Variants in KCNC1 observed in about 807,000 individuals in gnomAD.
KCNC1 encodes potassium voltage-gated channel subfamily C member 1, also known as voltage-gated potassium channel KCNC1.
A neutral mutation model predicts 43.4 loss-of-function variants in KCNC1; 8 were observed. The observed-to-expected ratio is 0.18, with a 90% confidence interval of 0.11 to 0.33. The LOEUF (loss-of-function observed/expected upper bound fraction) is 0.33, where lower values mean the gene tolerates loss of function less well. KCNC1 is among the 10% of genes least tolerant of loss of function. The pLI, the probability that KCNC1 is intolerant of heterozygous loss-of-function variation, is 1.00. For missense variants in KCNC1, 420 were observed against 836.0 expected, an observed-to-expected ratio of 0.50 and a Z score of 6.14; for synonymous variants, 361 against 360.5, an observed-to-expected ratio of 1.00 and a Z score of -0.01.
rs760069085 is a variant in KCNC1 at position 17,772,240 on chromosome 11, G to A, written c.1146G>A (p.Thr382=). 4.4e-5 allele frequency: 71 copies of A among 1,613,946 alleles called. No homozygotes were observed. Among genetic ancestry groups the A allele is most frequent in the Non-Finnish European group, 5.5e-5 (65 of 1,180,032 alleles). The part of the protein sequence containing the change: ...QPNDPSASEH[T]HFKNIPIGFW... ...ATGACCCCAGCGCCAGTGAGCACAC[G>A]CACTTTAAGAACATCCCCATCGGCT... Residue 382 remains threonine (T), a synonymous_variant, in exon 2 of 4, where the codon ACG becomes ACA. Transcript: ENST00000265969.
intron 1 of KCNC1, among the ~76,000 whole-genome samples, chr11:17,737,778 C>A (rs1344346967): frequency 1.3e-5 from 2 of 152,182 alleles, no homozygotes; most frequent in African/African-American, 4.8e-5. Flanking sequence ...CCAGGCAAAG[C>A]ACTGCCTCTG....
chr11:17,781,755 C>T lies in KCNC1; in HGVS notation c.*21C>T. ...CTTGACCAGGCGGCTTGGCCGAGGA[C>T]ACTGGTGGCTATTAAGCATCTGGGT... On this transcript the variant is annotated 3_prime_UTR_variant, in exon 4 of 4. Transcript: ENST00000265969. This position sits in a 1 kb window ranked among gnomAD's most constrained non-coding sequence, Gnocchi z 5.1. 1 of 1,532,230 alleles carries T rather than the reference C, an allele frequency of 6.5e-7. No individual in the cohort carries two copies. The allele number at this position is 1,532,230 out of a possible 1,614,324, so 94.9% of individuals were successfully genotyped here. A position where few individuals can be genotyped will look rare whatever the true frequency, so the allele number is the denominator to read the frequency against.
chr11:17,760,374 T>C (rs1849064349), intron 1 of KCNC1, among the ~76,000 whole-genome samples: 1 of 152,204 alleles, frequency 6.6e-6, no homozygotes, highest in Non-Finnish European at 1.5e-5. Flanking sequence ...CGTGGGATCC[T>C]GGTATTGCTC....
chr11:17,777,884 C>G lies in KCNC1; in HGVS notation c.1505-1572C>G, dbSNP rs552696872. The G allele has an allele frequency of 1.6e-5, 16 of 983,834 alleles. No homozygotes were observed. The highest frequency in any genetic ancestry group is 1.8e-5 in the Non-Finnish European group (15 of 827,810). 60.9% of individuals were successfully genotyped at this position (983,834 alleles called of 1,614,324 possible). ...TGTACACGGGCGGTAATCCCACCCA[C>G]GTGCACGCCCAGCGTGTGCACGTGG... On this transcript the variant is annotated intron_variant, in intron 2 of 3. Transcript: ENST00000265969. The surrounding 1 kb of genome is among the most constrained non-coding windows in gnomAD (Gnocchi z 4.3).
chr11:17,749,156 T>G (rs1848936784), intron 1 of KCNC1, among the ~76,000 whole-genome samples: 1 of 152,154 alleles, frequency 6.6e-6, no homozygotes, highest in Non-Finnish European at 1.5e-5. Flanking sequence ...GTGATCTTAG[T>G]AAGTCTCAGT....
At chr11:17,754,983 C>G (rs1849008070) in intron 1 of KCNC1, among the ~76,000 whole-genome samples, 1 of 152,110 alleles carries the variant, frequency 6.6e-6, no homozygotes, top group African/African-American at 2.4e-5. Context: ...CTTAGATGAT[C>G]TGTGCTGGGG....
intron 1 of KCNC1, among the ~76,000 whole-genome samples, chr11:17,759,044 T>C (rs1849049879): frequency 6.6e-6 from 1 of 152,262 alleles, no homozygotes; most frequent in Non-Finnish European, 1.5e-5. Context: ...TTAATCTGCA[T>C]TGAAAAATCT....
Position 17,771,258 on chromosome 11 carries a change from G to A in KCNC1, c.571-407G>A. The stretch of plus-strand genomic sequence containing the variant: ...CAGCCCCAGCAGGCTAGCTAAATGG[G>A]CAGGGTAGCTAAATGCCTTAACAAA... On this transcript the variant is annotated intron_variant, in intron 1 of 3. Coordinates refer to ENST00000265969, the MANE Select transcript of KCNC1 (RefSeq NM_001112741.2). This position sits in a 1 kb window ranked among gnomAD's most constrained non-coding sequence, Gnocchi z 4.7. 1.8e-5 allele frequency among the ~76,000 whole-genome samples: 1 copy of A among 54,474 alleles called. No individual in the cohort carries two copies. Among genetic ancestry groups the A allele is most frequent in the East Asian group, 1.6e-3 (1 of 610 alleles). 35.7% of individuals were successfully genotyped at this position (54,474 alleles called of 152,430 possible). A position where few individuals can be genotyped will look rare whatever the true frequency, so the allele number is the denominator to read the frequency against.
In KCNC1 at chr11:17,773,365, G is replaced by A. The variant is rs1590107205; in HGVS notation, c.1504+767G>A. 1.0e-5 allele frequency: 10 copies of A among 985,362 alleles called. No individual in the cohort carries two copies. The highest frequency in any genetic ancestry group is 9.4e-5 in the South Asian group (2 of 21,260). 61.0% of individuals were successfully genotyped at this position (985,362 alleles called of 1,614,324 possible). On this transcript the variant is annotated intron_variant, in intron 2 of 3. Coordinates refer to ENST00000265969, the MANE Select transcript of KCNC1 (RefSeq NM_001112741.2). The surrounding 1 kb of genome is among the most constrained non-coding windows in gnomAD (Gnocchi z 4.1). ...GGTTGATGGTCGAGTGGGAGTTTCCGGTGACCCGATGGAAGCGGCTGCCGA... is the reference window on the plus strand; with the variant it reads ...GGTTGATGGTCGAGTGGGAGTTTCCAGTGACCCGATGGAAGCGGCTGCCGA...
At chr11:17,762,260 C>T (rs187607339) in intron 1 of KCNC1, among the ~76,000 whole-genome samples, 85 of 152,292 alleles carry the variant, frequency 5.6e-4, no homozygotes, top group Non-Finnish European at 1.0e-3. Context: ...GCCTCAAACT[C>T]CCAGGCACCT....
chr11:17,768,315 A>G (rs1849177743), intron 1 of KCNC1, among the ~76,000 whole-genome samples: 1 of 152,150 alleles, frequency 6.6e-6, no homozygotes, highest in Admixed American at 6.5e-5. Flanking sequence ...GTACAAAACC[A>G]CGGAGGTGGG....
In KCNC1 at chr11:17,772,261, C is replaced by T. The variant is rs752732931; in HGVS notation, c.1167C>T (p.Ile389=). The change falls in exon 2 of 4, where the codon ATC becomes ATT. Residue 389 remains isoleucine, a synonymous_variant. Coordinates refer to ENST00000265969, the MANE Select transcript of KCNC1 (RefSeq NM_001112741.2). ...SEHTHFKNIP[I]GFWWAVVTMT... ...ACACGCACTTTAAGAACATCCCCAT[C>T]GGCTTCTGGTGGGCCGTGGTCACCA... The T allele has an allele frequency of 1.5e-5, 25 of 1,614,056 alleles. No individual in the cohort carries two copies. The highest frequency in any genetic ancestry group is 1.3e-4 in the East Asian group (6 of 44,890).
Position 17,736,701 on chromosome 11 carries a change from T to A in KCNC1, c.570+129T>A. On this transcript the variant is annotated intron_variant, in intron 1 of 3. Transcript: ENST00000265969. The surrounding 1 kb of genome is among the most constrained non-coding windows in gnomAD (Gnocchi z 9.3). ...AATCGAAAGGGGGTGTGTGCGCATG[T>A]GTGCACGTACCAGGGTAAGAGAGGA... 7.1e-7 allele frequency: 1 copy of A among 1,401,726 alleles called. No homozygotes were observed. Among genetic ancestry groups the A allele is most frequent in the Non-Finnish European group, 9.3e-7 (1 of 1,072,348 alleles). 86.8% of individuals were successfully genotyped at this position (1,401,726 alleles called of 1,614,324 possible).
intron 1 of KCNC1, among the ~76,000 whole-genome samples, chr11:17,752,360 G>A (rs928685188): frequency 9.2e-5 from 14 of 152,168 alleles, no homozygotes; most frequent in South Asian, 2.1e-4. Flanking sequence ...ACCAGGTCCC[G>A]ATGAGAGTGG....
In KCNC1 at chr11:17,773,989, C is replaced by T. The variant is rs1221631449; in HGVS notation, c.1504+1391C>T. On this transcript the variant is annotated intron_variant, in intron 2 of 3. Transcript: ENST00000265969. This position sits in a 1 kb window ranked among gnomAD's most constrained non-coding sequence, Gnocchi z 4.1. ...AGTGGATGATTGATTTTCTTCCCTG[C>T]TATCGCGCTCTCTGACCCACCACCC... 4.1e-6 allele frequency: 4 copies of T among 985,432 alleles called. No homozygotes were observed. Among genetic ancestry groups the T allele is most frequent in the African/African-American group, 1.7e-5 (1 of 57,252 alleles). The allele number at this position is 985,432 out of a possible 1,614,324, so 61.0% of individuals were successfully genotyped here.
At chr11:17,741,731 C>T (rs1472637369) in intron 1 of KCNC1, among the ~76,000 whole-genome samples, 1 of 152,244 alleles carries the variant, frequency 6.6e-6, no homozygotes, top group Non-Finnish European at 1.5e-5. Flanking sequence ...TTTCCTCTGA[C>T]CTGACTGTCT....
In KCNC1 at chr11:17,779,674, T is replaced by C. The variant is rs931619580; in HGVS notation, c.1693+30T>C. On this transcript the variant is annotated intron_variant, in intron 3 of 3. Coordinates refer to ENST00000265969, the MANE Select transcript of KCNC1 (RefSeq NM_001112741.2). This position sits in a 1 kb window ranked among gnomAD's most constrained non-coding sequence, Gnocchi z 7.2. ...GTAGAGGAAGCTGGAGCACCGTGCATCGTCCGGGCCGCCTCGCGCTCCTGC... is the reference window on the plus strand; with the variant it reads ...GTAGAGGAAGCTGGAGCACCGTGCACCGTCCGGGCCGCCTCGCGCTCCTGC... 1 of 1,473,040 alleles carries C rather than the reference T, an allele frequency of 6.8e-7. No individual in the cohort carries two copies. Among genetic ancestry groups the C allele is most frequent in the South Asian group, 1.4e-5 (1 of 72,248 alleles). 91.2% of individuals were successfully genotyped at this position (1,473,040 alleles called of 1,614,324 possible).
At chr11:17,738,046 A>G (rs1326975348) in intron 1 of KCNC1, among the ~76,000 whole-genome samples, 1 of 151,912 alleles carries the variant, frequency 6.6e-6, no homozygotes, top group Non-Finnish European at 1.5e-5. Flanking sequence ...TATACCTTGA[A>G]TTCTAGAACA....
At chr11:17,770,088 C>G (rs1159127144) in intron 1 of KCNC1, among the ~76,000 whole-genome samples, 1 of 152,218 alleles carries the variant, frequency 6.6e-6, no homozygotes, top group Admixed American at 6.5e-5. Flanking sequence ...GCCCTGTGAC[C>G]ATGGTTAATC....
Sources: gnomAD v4.1 joint callset for allele counts (sites outside exome capture counted in the v4.1 genomes callset) on GRCh38, gnomAD v4.1.1 for gene constraint, Gnocchi (gnomAD v3.1) non-coding constraint, MANE v1.5 for transcripts, NCBI Gene and HGNC (gene_info 2026-07-23, HGNC 2026-07-21) for gene names.